The following LTK variants were observed in gnomAD, a reference collection of about 807,000 sequenced individuals.
The protein encoded by LTK is leukocyte receptor tyrosine kinase.
Under a neutral mutation model 101.5 loss-of-function variants are expected in LTK, and 117 were observed. The ratio of observed to expected loss-of-function variants is 1.15; its 90% CI spans 0.99 to 1.34. The LOEUF is 1.34. Among genes scored for constraint, LTK ranks in the 40% most tolerant of loss-of-function variants. LTK has a pLI of 0.00. For missense variants in LTK, 1,252 were observed against 1,164.7 expected (o/e 1.07, Z -1.09); for synonymous variants, 563 against 494.2 (o/e 1.14, Z -1.85).
At position 41,506,002 on chromosome 15, in the gene LTK, G is replaced by A. The variant is rs2051268703; in HGVS notation, c.1545C>T (p.Ala515=). 3 of 1,612,802 alleles carry A rather than the reference G, an allele frequency of 1.9e-6. No individual in the cohort carries two copies. Among genetic ancestry groups the A allele is most frequent in the Non-Finnish European group, 2.5e-6 (3 of 1,178,914 alleles). ...CCTCCCCAAAGGCACCATGGCCCAG[G>A]GCTCTGCAGGAAGACACGTTGGAAG... ...VSPANVTLLR[A]LGHGAFGEVY... Residue 515 remains alanine, a synonymous_variant, in exon 12 of 20, where the codon GCC becomes GCT. Coordinates refer to ENST00000263800, the MANE Select transcript of LTK (RefSeq NM_002344.6).
chr15:41,508,410 T>G (rs562788202), intron 8 of LTK, among the ~76,000 whole-genome samples, 189 bp from the exon 9 acceptor site: 1 of 150,350 alleles, frequency 6.7e-6, no homozygotes, highest in East Asian at 2.0e-4. Context: ...AATACAAAAT[T>G]AGCCGGGTGT....
intron 8 of LTK, 145 bp downstream of exon 8, chr15:41,508,886 T>G: frequency 3.8e-6 from 2 of 521,384 alleles, no homozygotes; most frequent in Non-Finnish European, 6.8e-6. Flanking sequence ...CAGCCCACTT[T>G]TCAAATGACC....
In LTK at chr15:41,511,864, A is replaced by G. The variant is rs911142674; in HGVS notation, c.610T>C (p.Trp204Arg). 1.2e-5 allele frequency: 8 copies of G among 647,586 alleles called. No individual in the cohort carries two copies. Among genetic ancestry groups the G allele is most frequent in the Admixed American group, 4.6e-5 (1 of 21,934 alleles). 40.1% of individuals were successfully genotyped at this position (647,586 alleles called of 1,614,324 possible). Reference sequence around the variant, plus strand: ...CCGCCACCCCCGCCACCTCCCGCCCAGCGCCGCGACCCCGGGACCCCTTCG... The same window carrying G: ...CCGCCACCCCCGCCACCTCCCGCCCGGCGCCGCGACCCCGGGACCCCTTCG... ...GSEGVPGSRRWAGGGGGGGGA... is the reference protein window; with the variant it reads ...GSEGVPGSRRRAGGGGGGGGA... Residue 204 changes from tryptophan (W) to arginine (R), a missense_variant, in exon 5 of 20, where the codon TGG becomes CGG. Physicochemically the swap from Trp to Arg is moderately radical, Grantham distance 101. Transcript: ENST00000263800. The surrounding 1 kb of genome is among the most constrained non-coding windows in gnomAD (Gnocchi z 5.9).
rs376165812 is a variant in LTK at position 41,505,381 on chromosome 15, G to A, written c.1827+20C>T. On this transcript the variant is annotated intron_variant, in intron 14 of 19. Coordinates refer to ENST00000263800, the MANE Select transcript of LTK (RefSeq NM_002344.6). ...CAGGGTCTTTAGAGGGGCCTGGGGG[G>A]GCTAAGACAAGGGTCTCACCAGGTG... The A allele has an allele frequency of 1.9e-5, 31 of 1,613,582 alleles. No homozygotes were observed. The Middle Eastern group carries it at 5.0e-4, about 26-fold the overall frequency.
chr15:41,507,728 C>T (rs1325187565), intron 9 of LTK, 71 bp from the exon 10 acceptor site: 1 of 1,463,138 alleles, frequency 6.8e-7, no homozygotes, highest in Non-Finnish European at 9.2e-7. Flanking sequence ...TTTACCCACG[C>T]TTCAAGACTC....
In LTK at chr15:41,512,318, C is replaced by G. The variant is rs543238285; in HGVS notation, c.360-53G>C. ...GCCTTCGGTGCTCAGGCCGGCCGCT[C>G]CGGGCAGAAGTTGGCGACAGAGGAG... On this transcript the variant is annotated intron_variant, in intron 3 of 19. Transcript: ENST00000263800. The G allele has an allele frequency of 4.1e-4, 654 of 1,575,988 alleles. 1 individual carries two copies. The African/African-American group carries it at 8.2e-3, about 20-fold the overall frequency.
chr15:41,512,744 C>G lies in LTK; in HGVS notation c.322G>C (p.Val108Leu). The G allele has an allele frequency of 6.2e-7, 1 of 1,607,282 alleles. No homozygotes were observed. Among genetic ancestry groups the G allele is most frequent in the South Asian group, 1.1e-5 (1 of 90,624 alleles). ...TVGAAGQLRG[V>L]QLWRVPGPGQ... is the part of the protein sequence containing the mutation. ...GGGCCCGGCACGCGCCACAGCTGCACGCCTCTCAGCTGCCCGGCGGCCCCC... is the reference window on the plus strand; with the variant it reads ...GGGCCCGGCACGCGCCACAGCTGCAGGCCTCTCAGCTGCCCGGCGGCCCCC... The change falls in exon 3 of 20, where the codon GTG becomes CTG. Residue 108 changes from valine (V) to leucine (L), a missense_variant. Val to Leu is a conservative substitution (Grantham distance 32). Coordinates refer to ENST00000263800, the MANE Select transcript of LTK (RefSeq NM_002344.6).
intron 8 of LTK, among the ~76,000 whole-genome samples, chr15:41,508,533 G>C (rs2051358118): frequency 6.6e-6 from 1 of 151,146 alleles, no homozygotes; most frequent in African/African-American, 2.4e-5. Flanking sequence ...CTCCAGCCTG[G>C]GTGACAGAGC....
rs1205688843 is a variant in LTK, at chr15:41,505,404, G to A, written c.1824C>T (p.His608=). Residue 608 remains histidine, a synonymous_variant, in exon 14 of 20, where the codon CAC becomes CAT. Transcript: ENST00000263800. The stretch of plus-strand genomic sequence containing the variant: ...GGGGCTAAGACAAGGGTCTCACCAG[G>A]TGTGGCCGACTGTGCCTCAGGAAAC... ...MKSFLRHSRP[H]LGQPSPLVMR... 3.1e-6 allele frequency: 5 copies of A among 1,613,878 alleles called. No homozygotes were observed. In the African/African-American group the frequency reaches 5.3e-5, roughly 17 times the overall value.
chr15:41,504,080 G>A lies in LTK; in HGVS notation c.2511C>T (p.Gly837=). The change falls in exon 20 of 20, where the codon GGC becomes GGT. Residue 837 remains glycine, a synonymous_variant. Coordinates refer to ENST00000263800, the MANE Select transcript of LTK (RefSeq NM_002344.6). Reference sequence around the variant, plus strand: ...GCTTGAGGCCAGAGGACAGCCAGGGGCCAAGAGGGCTACCTCCCCAGCTTT... The same window carrying A: ...GCTTGAGGCCAGAGGACAGCCAGGGACCAAGAGGGCTACCTCCCCAGCTTT... ...KLKSWGGSPL[G]PWLSSGLKPL... is the part of the protein sequence containing the mutation. 1 of 1,614,026 alleles carries A rather than the reference G, an allele frequency of 6.2e-7. No individual in the cohort carries two copies. Among genetic ancestry groups the A allele is most frequent in the Non-Finnish European group, 8.5e-7 (1 of 1,180,022 alleles).
intron 7 of LTK, among the ~76,000 whole-genome samples, chr15:41,510,660 C>T (rs149506015): frequency 1.3e-5 from 2 of 152,258 alleles, no homozygotes; most frequent in Admixed American, 6.5e-5. Flanking sequence ...CAGGGTTTCA[C>T]AGGTTGGCCA....
rs768620754 is a variant in LTK, at chr15:41,505,269, G to A, written c.1864C>T (p.Gln622Ter). ...PSPLVMRDLL[Q>*]LAQDIAQGCH... is the part of the protein sequence containing the mutation. ...CCCTGGGCTATGTCCTGGGCCAGTT[G>A]CAGCAGGTCCCGCATGACCAGAGGT... The change falls in exon 15 of 20, where the codon CAA becomes TAA. Residue 622 changes from glutamine to a stop codon, truncating the protein, a stop_gained. Transcript: ENST00000263800. LOFTEE classifies it high-confidence loss of function. 6.2e-7 allele frequency: 1 copy of A among 1,614,070 alleles called. No individual in the cohort carries two copies. Among genetic ancestry groups the A allele is most frequent in the Non-Finnish European group, 8.5e-7 (1 of 1,180,004 alleles).
At position 41,511,632 on chromosome 15, in the gene LTK, T is replaced by A. The variant is rs1440390869; in HGVS notation, c.658-54A>T. On this transcript the variant is annotated intron_variant, in intron 5 of 19. Coordinates refer to ENST00000263800, the MANE Select transcript of LTK (RefSeq NM_002344.6). The surrounding 1 kb of genome is among the most constrained non-coding windows in gnomAD (Gnocchi z 5.9). ...GCGCCCTCCAGCTGTCCAGGGGCAC[T>A]GCCACTGGGAGAGGGCTCCCGCCCA... 3.5e-6 allele frequency: 5 copies of A among 1,411,952 alleles called. No individual in the cohort carries two copies. In the East Asian group the frequency reaches 1.4e-4, roughly 41 times the overall value. 87.5% of individuals were successfully genotyped at this position (1,411,952 alleles called of 1,614,324 possible). A position where few individuals can be genotyped will look rare whatever the true frequency, so the allele number is the denominator to read the frequency against.
At position 41,505,521 on chromosome 15, in the gene LTK, G is replaced by A. The variant is rs368274639; in HGVS notation, c.1707C>T (p.Arg569=). Residue 569 remains arginine, a synonymous_variant, in exon 14 of 20, where the codon CGC becomes CGT. Transcript: ENST00000263800. ...LMEALIISKF[R]HQNIVRCVGL... is the part of the protein sequence containing the mutation. ...CCACACACCGCACAATGTTCTGATG[G>A]CGAAACTTGCTGAGTGGGGTGGGGG... 8.1e-6 allele frequency: 13 copies of A among 1,613,842 alleles called. No homozygotes were observed. In the Middle Eastern group the frequency reaches 6.6e-4, roughly 82 times the overall value.
In LTK at chr15:41,512,102, T is replaced by G. The variant is rs2051493196; in HGVS notation, c.510+13A>C. 16 of 1,533,462 alleles carry G rather than the reference T, an allele frequency of 1.0e-5. No individual in the cohort carries two copies. The highest frequency in any genetic ancestry group is 1.4e-5 in the African/African-American group (1 of 71,038). The allele number at this position is 1,533,462 out of a possible 1,614,324, so 95.0% of individuals were successfully genotyped here. A position where few individuals can be genotyped will look rare whatever the true frequency, so the allele number is the denominator to read the frequency against. On this transcript the variant is annotated intron_variant, in intron 4 of 19. Transcript: ENST00000263800. ...GGCGCCGGCGCCGCCCCATCCCCAC[T>G]GGCTGCGCTCACTCCGGGACAGGCG...
chr15:41,507,102 G>A lies in LTK; in HGVS notation c.1534C>T (p.Leu512=). 6.2e-7 allele frequency: 1 copy of A among 1,613,332 alleles called. No homozygotes were observed. The highest frequency in any genetic ancestry group is 8.5e-7 in the Non-Finnish European group (1 of 1,179,810). Residue 512 remains leucine (L), a synonymous_variant, in exon 11 of 20, where the codon CTG becomes TTG. Coordinates refer to ENST00000263800, the MANE Select transcript of LTK (RefSeq NM_002344.6). The part of the protein sequence containing the change: ...VTEVSPANVT[L]LRALGHGAFG... Reference sequence around the variant, plus strand: ...AGGAGGCAGAAGACTTACCTGAGCAGAGTAACATTGGCTGGGGAAACCTCG... The same window carrying A: ...AGGAGGCAGAAGACTTACCTGAGCAAAGTAACATTGGCTGGGGAAACCTCG...
In LTK at chr15:41,505,757, C is replaced by T. The variant is rs375203744; in HGVS notation, c.1653G>A (p.Ser551=). The T allele has an allele frequency of 1.6e-5, 26 of 1,613,878 alleles. No individual in the cohort carries two copies. The highest frequency in any genetic ancestry group is 1.7e-4 in the Middle Eastern group (1 of 6,056). Residue 551 remains serine, a synonymous_variant, in exon 13 of 20, where the codon TCG becomes TCA. Coordinates refer to ENST00000263800, the MANE Select transcript of LTK (RefSeq NM_002344.6). ...TGAGGAAATCCAGCTCATCCTGAGG[C>T]GAGCAGAGTTCTGGCAGGGTCTGGG... is the stretch of plus-strand genomic sequence containing the variant. The part of the protein sequence containing the change: ...VAIKTLPELC[S]PQDELDFLME...
intron 3 of LTK, 102 bp downstream of exon 3, chr15:41,512,605 T>G (rs780742670): frequency 2.2e-6 from 3 of 1,364,392 alleles, no homozygotes; most frequent in Admixed American, 2.9e-5. Context: ...CCCCGCGGAA[T>G]AGTCCAAGAC....
chr15:41,507,950 C>G, intron 9 of LTK, 119 bp downstream of exon 9: 1 of 1,111,836 alleles, frequency 9.0e-7, no homozygotes, highest in Non-Finnish European at 1.3e-6. Flanking sequence ...ATCCCCTGCC[C>G]AGCACCCACC....
Sources: allele counts gnomAD v4.1 joint callset (sites outside exome capture counted in the v4.1 genomes callset), GRCh38; gene constraint gnomAD v4.1.1; non-coding constraint Gnocchi (gnomAD v3.1); transcripts MANE v1.5; gene names NCBI Gene and HGNC (gene_info 2026-07-23, HGNC 2026-07-21).